MED12: variants seen among roughly 807,000 people sequenced by gnomAD.
MED12 encodes mediator complex subunit 12.
Under a neutral mutation model 177.7 loss-of-function variants are expected in MED12, and 10 were observed. The ratio of observed to expected loss-of-function variants is 0.06; its 90% confidence interval spans 0.03 to 0.10. The LOEUF is 0.10. Among genes scored for constraint, MED12 ranks in the 10% least tolerant of loss-of-function variants. MED12 has a pLI of 1.00. For synonymous variants in MED12, 641 were observed against 678.4 expected (o/e 0.94, Z 0.86); for missense variants, 867 against 1,780.8 (o/e 0.49, Z 9.23).
rs1236539192 is a variant in MED12, at chrX:71,132,404, G to A, written c.4281G>A (p.Leu1427=). 4 of 1,209,322 alleles carry A rather than the reference G, an allele frequency of 3.3e-6. No individual in the cohort carries two copies. Among genetic ancestry groups the A allele is most frequent in the Non-Finnish European group, 4.5e-6 (4 of 895,023 alleles). ...LSSLERSGVW[L]VAPLIAKLPT... ...CTCTAGAGCGCTCTGGTGTATGGCT[G>A]GTGGCCCCCCTCATTGCTAAACTGC... The change falls in exon 31 of 45, where the codon CTG becomes CTA. Residue 1427 remains leucine (L), a synonymous_variant. Coordinates refer to ENST00000374080, the MANE Select transcript of MED12 (RefSeq NM_005120.3).
intron 11 of MED12, 80 bp from the exon 12 acceptor site, chrX:71,123,514 G>A (rs1033741924): frequency 1.4e-5 from 16 of 1,115,875 alleles, no homozygotes; most frequent in Non-Finnish European, 1.8e-5. Context: ...GGTCAAGCAG[G>A]TGGTAGTTTA....
intron 29 of MED12, 75 bp from the exon 30 acceptor site, chrX:71,131,998 G>T (rs1005712448): frequency 1.2e-5 from 12 of 974,556 alleles, no homozygotes; most frequent in Non-Finnish European, 1.8e-5. Flanking sequence ...CGTCATCTCC[G>T]ATCTCTCCTA....
At position 71,141,941 on chromosome X, in the gene MED12, G is replaced by A. The variant is rs779119355; in HGVS notation, c.6467G>A (p.Arg2156Gln). The A allele has an allele frequency of 8.3e-7, 1 of 1,209,581 alleles. No individual in the cohort carries two copies. Among genetic ancestry groups the A allele is most frequent in the South Asian group, 1.8e-5 (1 of 56,744 alleles). The stretch of plus-strand genomic sequence containing the variant: ...CAGCAACAGACAGCAGCTTTGGTCC[G>A]GCAACTTCAACAACAGCTCTCTAGT... ...QQQQQTAALV[R>Q]QLQQQLSNTQ... Residue 2156 changes from arginine to glutamine, a missense_variant, in exon 44 of 45, where the codon CGG becomes CAG. This residue lies in a region of MED12 where 236 missense variants were observed against 345.2 expected (regional missense o/e 0.68). Transcript: ENST00000374080.
Position 71,141,287 on chromosome X carries a change from C to A in MED12, c.6325C>A (p.Gln2109Lys). The change falls in exon 43 of 45, where the codon CAG becomes AAG. Residue 2109 changes from glutamine (Q) to lysine (K), a missense_variant. Transcript: ENST00000374080. ...QQQQQQQQQQ[Q>K]QQQQQQHQQQ... ...GCAGCAGCAACAGCAACAGCAGCAG[C>A]AGCAACAGCAACAACAGCAACACCA... 1 of 1,165,081 alleles carries A rather than the reference C, an allele frequency of 8.6e-7. No individual in the cohort carries two copies. Among genetic ancestry groups the A allele is most frequent in the Non-Finnish European group, 1.1e-6 (1 of 871,091 alleles).
chrX:71,119,989 C>T (rs1279487931), intron 3 of MED12, 25 bp from the exon 4 acceptor site: 2 of 1,210,380 alleles, frequency 1.7e-6, no homozygotes, highest in Non-Finnish European at 2.2e-6. Flanking sequence ...TAATAGAGAC[C>T]TCACTATTTG....
chrX:71,142,146 C>T (rs1046553211), intron 44 of MED12, 29 bp from the exon 45 acceptor site: 4 of 1,205,880 alleles, frequency 3.3e-6, no homozygotes, highest in Non-Finnish European at 4.5e-6. Context: ...CCTGGTCTTC[C>T]ATCCCTGATA....
intron 41 of MED12, among the ~76,000 whole-genome samples, chrX:71,138,244 G>A (rs779069702): frequency 8.9e-6 from 1 of 111,804 alleles, no homozygotes; most frequent in Non-Finnish European, 1.9e-5. Context: ...CCCAGCACTT[G>A]GGGGCCCAAG....
At position 71,137,249 on chromosome X, in the gene MED12, C is replaced by A; in HGVS notation, c.5614C>A (p.Pro1872Thr). ...ACCAATGCAGAAGCTGCCCACCCGA[C>A]CAACTTACCCTGGAGTGCTGCCCAC... is the stretch of plus-strand genomic sequence containing the variant. ...RLPMQKLPTRPTYPGVLPTTM... is the reference protein window; with the variant it reads ...RLPMQKLPTRTTYPGVLPTTM... The change falls in exon 39 of 45, where the codon CCA (proline) becomes ACA (threonine). Residue 1872 changes from proline to threonine, a missense_variant. By Grantham distance (38) the Pro-to-Thr change is conservative. Around this residue, in one of 14 missense-constraint regions of MED12, gnomAD observed 236 missense variants for 345.2 expected, o/e 0.68. Coordinates refer to ENST00000374080, the MANE Select transcript of MED12 (RefSeq NM_005120.3). 8.3e-7 allele frequency: 1 copy of A among 1,211,990 alleles called. No homozygotes were observed. Among genetic ancestry groups the A allele is most frequent in the Non-Finnish European group, 1.1e-6 (1 of 895,525 alleles).
At position 71,124,305 on chromosome X, in the gene MED12, C is replaced by G. The variant is rs778208176; in HGVS notation, c.1891C>G (p.Pro631Ala). 1 of 1,208,083 alleles carries G rather than the reference C, an allele frequency of 8.3e-7. No individual in the cohort carries two copies. The highest frequency in any genetic ancestry group is 1.8e-5 in the South Asian group (1 of 56,539). ...GGACCTTGCCTTTGGAGCCCCTGGT[C>G]CCCGGCCTCCCTCTCCCTTTGATGA... Reference protein sequence around the residue: ...RGDLAFGAPGPRPPSPFDDPA... With the variant: ...RGDLAFGAPGARPPSPFDDPA... The change falls in exon 13 of 45, where the codon CCC becomes GCC. Residue 631 changes from proline (P) to alanine (A), a missense_variant. By Grantham distance (27) the Pro-to-Ala change is conservative. Transcript: ENST00000374080.
Position 71,130,202 on chromosome X carries a change from G to A in MED12, c.4035G>A (p.Lys1345=). 1 of 1,206,970 alleles carries A rather than the reference G, an allele frequency of 8.3e-7. No individual in the cohort carries two copies. Among genetic ancestry groups the A allele is most frequent in the Non-Finnish European group, 1.1e-6 (1 of 893,141 alleles). ...DGENPQRQRI[K]RILQNLDQWT... ...AAAACCCCCAGCGGCAGCGCATAAAGCGCATTCTCCAGGTAGGCCAAGGCC... is the reference window on the plus strand; with the variant it reads ...AAAACCCCCAGCGGCAGCGCATAAAACGCATTCTCCAGGTAGGCCAAGGCC... The change falls in exon 28 of 45, where the codon AAG becomes AAA. Residue 1345 remains lysine (K), a synonymous_variant. Coordinates refer to ENST00000374080, the MANE Select transcript of MED12 (RefSeq NM_005120.3).
Position 71,129,757 on chromosome X carries a change from G to A in MED12, c.3769G>A (p.Gly1257Ser), listed in dbSNP as rs776373565. The A allele has an allele frequency of 5.0e-6, 6 of 1,207,955 alleles. No individual in the cohort carries two copies. The highest frequency in any genetic ancestry group is 6.7e-6 in the Non-Finnish European group (6 of 893,558). The change falls in exon 27 of 45, where the codon GGC (glycine) becomes AGC (serine). Residue 1257 changes from glycine (G) to serine (S), a missense_variant. Coordinates refer to ENST00000374080, the MANE Select transcript of MED12 (RefSeq NM_005120.3). ...EELPEEEGGG[G>S]SGGRRQGGRN... ...ACTTCCAGAGGAGGAGGGAGGAGGT[G>A]GCAGTGGTGGTCGGAGGCAGGGTGG...
chrX:71,137,932 C>T lies in MED12; in HGVS notation c.6033C>T (p.Thr2011=). ...CCCCCACCTATGGACATGGACTGAC[C>T]TCCACTCAAAGGTACCCAAAGTAGT... The part of the protein sequence containing the change: ...QQAPTYGHGL[T]STQRFSHQTL... Residue 2011 remains threonine, a synonymous_variant, in exon 41 of 45, where the codon ACC becomes ACT. Coordinates refer to ENST00000374080, the MANE Select transcript of MED12 (RefSeq NM_005120.3). The T allele has an allele frequency of 8.3e-7, 1 of 1,211,155 alleles. No individual in the cohort carries two copies. Among genetic ancestry groups the T allele is most frequent in the Non-Finnish European group, 1.1e-6 (1 of 894,863 alleles).
Position 71,128,708 on chromosome X carries a change from C to T in MED12, c.3465C>T (p.Leu1155=). 8.3e-7 allele frequency: 1 copy of T among 1,209,101 alleles called. No homozygotes were observed. The highest frequency in any genetic ancestry group is 1.1e-6 in the Non-Finnish European group (1 of 895,188). Residue 1155 remains leucine, a synonymous_variant, in exon 24 of 45, where the codon CTC becomes CTT. Transcript: ENST00000374080. ...TTCGCTGTGCTGCCATCCCTTCACTCCTTAATGCTGGTGAACTACCAATCT... is the reference window on the plus strand; with the variant it reads ...TTCGCTGTGCTGCCATCCCTTCACTTCTTAATGCTGGTGAACTACCAATCT... ...DLIRCAAIPS[L]LNAACSEQDS...
chrX:71,131,976 G>A, intron 29 of MED12, 97 bp from the exon 30 acceptor site: 1 of 815,060 alleles, frequency 1.2e-6, no homozygotes, highest in Non-Finnish European at 1.9e-6. Flanking sequence ...CTCCGCCAGT[G>A]TTGTCCTTCT....
In MED12 at chrX:71,129,801, G is replaced by A; in HGVS notation, c.3813G>A (p.Glu1271=). The change falls in exon 27 of 45, where the codon GAG becomes GAA. Residue 1271 remains glutamate (E), a synonymous_variant. Coordinates refer to ENST00000374080, the MANE Select transcript of MED12 (RefSeq NM_005120.3). ...RRQGGRNISV[E]TASLDVYAKY... is the part of the protein sequence containing the mutation. ...AGGGTGGCCGCAACATCTCTGTGGA[G>A]ACAGCCAGTCTGGATGTCTATGCCA... 1 of 1,211,595 alleles carries A rather than the reference G, an allele frequency of 8.3e-7. No homozygotes were observed. Among genetic ancestry groups the A allele is most frequent in the Non-Finnish European group, 1.1e-6 (1 of 895,329 alleles).
At chrX:71,134,099 C>T (rs1248073298) in intron 33 of MED12, among the ~76,000 whole-genome samples, 2 of 109,539 alleles carry the variant, frequency 1.8e-5, no homozygotes, top group African/African-American at 6.7e-5. Context: ...GGCGTGGTGG[C>T]AGGCGCCTGT....
chrX:71,126,333 C>T lies in MED12; in HGVS notation c.2542-8C>T. 1 of 1,211,951 alleles carries T rather than the reference C, an allele frequency of 8.3e-7. No homozygotes were observed. The highest frequency in any genetic ancestry group is 1.1e-6 in the Non-Finnish European group (1 of 895,417). ...CCACTCCCATCTCACTCCCACTGCC[C>T]TTATCAGGTCTCCCGGAATGTTCTG... On this transcript the variant is annotated splice_polypyrimidine_tract_variant and splice_region_variant and intron_variant, in intron 18 of 44. Transcript: ENST00000374080.
In MED12 at chrX:71,127,869, A is replaced by G. The variant is rs930339255; in HGVS notation, c.2982-24A>G. 4 of 1,152,033 alleles carry G rather than the reference A, an allele frequency of 3.5e-6. No individual in the cohort carries two copies. In the African/African-American group the frequency reaches 7.2e-5, roughly 21 times the overall value. 94.9% of individuals were successfully genotyped at this position (1,152,033 alleles called of 1,213,427 possible). ...TCAGCAGGCCTTCTTCAACACTACT[A>G]TCTCCTTTCCTCCATCCCTGCAGCG... On this transcript the variant is annotated intron_variant, in intron 21 of 44. Transcript: ENST00000374080.
At chrX:71,134,640 G>A in intron 34 of MED12, 73 bp from the exon 35 acceptor site, 2 of 1,170,615 alleles carry the variant, frequency 1.7e-6, no homozygotes, top group East Asian at 3.0e-5. Context: ...CTCCCTGCTT[G>A]TGTCCTCTGC....
Sources: allele counts gnomAD v4.1 joint callset (sites outside exome capture counted in the v4.1 genomes callset), GRCh38; gene constraint gnomAD v4.1.1; regional missense constraint gnomAD v4.1.1; transcripts MANE v1.5; gene names NCBI Gene and HGNC (gene_info 2026-07-23, HGNC 2026-07-21).